The following PTPRD variants were observed in gnomAD, a reference collection of about 807,000 sequenced individuals.
The protein encoded by PTPRD is receptor-type tyrosine-protein phosphatase delta.
PTPRD carries 34 observed loss-of-function variants against 214.5 expected under a neutral mutation model. The observed-to-expected ratio is 0.16, with a 90% CI of 0.12 to 0.21. PTPRD has a LOEUF of 0.21. Among genes scored for constraint, PTPRD ranks in the 10% least tolerant of loss-of-function variants. PTPRD has a pLI of 1.00. For synonymous variants in PTPRD, 1,128 were observed against 845.7 expected, an observed-to-expected ratio of 1.33 and a Z score of -5.79; for missense variants, 2,545 against 2,398.7, an observed-to-expected ratio of 1.06 and a Z score of -1.27.
chr9:9,262,848 C>A (rs1402649586), intron 9 of PTPRD, among the ~76,000 whole-genome samples: 1 of 151,602 alleles, frequency 6.6e-6, no homozygotes, highest in Non-Finnish European at 1.5e-5. Flanking sequence ...TGAAATCTAA[C>A]CATTGATTAA....
intron 7 of PTPRD, among the ~76,000 whole-genome samples, chr9:9,634,033 A>G (rs890604978): frequency 1.3e-5 from 2 of 152,200 alleles, no homozygotes; most frequent in Non-Finnish European, 2.9e-5. Flanking sequence ...GACAGCACAT[A>G]TCAGATCTTA....
intron 9 of PTPRD, among the ~76,000 whole-genome samples, chr9:9,209,476 T>C (rs925300112): frequency 2.6e-5 from 4 of 152,190 alleles, no homozygotes; most frequent in African/African-American, 4.8e-5. Flanking sequence ...AGTATTTTGG[T>C]GCATTAAAGA....
intron 45 of PTPRD, among the ~76,000 whole-genome samples, chr9:8,319,035 T>C (rs1409492063): frequency 6.6e-6 from 1 of 152,106 alleles, no homozygotes; most frequent in Non-Finnish European, 1.5e-5. Flanking sequence ...GTTAAGGCTT[T>C]TTAAATGTCC....
chr9:8,621,932 C>T (rs2095839718), intron 14 of PTPRD, among the ~76,000 whole-genome samples: 1 of 151,856 alleles, frequency 6.6e-6, no homozygotes, highest in African/African-American at 2.4e-5. Flanking sequence ...GGCCTTTCCT[C>T]AAGGGTTAAA....
rs750825729 is a variant in PTPRD at position 8,321,487 on chromosome 9, G to GTATATATATATATATATATATATATA, written c.5535-1547_5535-1522dup. On this transcript the variant is annotated intron_variant, in intron 44 of 45. Coordinates refer to ENST00000381196, the MANE Select transcript of PTPRD (RefSeq NM_002839.4). ...TGTGTGTGTGTGTGTGTGTGTGTGT[G>GTATATATATATATATATATATATATA]TATATATATATATATATATATATAT... Among the ~76,000 whole-genome samples, 7 of 44,538 alleles carry GTATATATATATATATATATATATATA rather than the reference G, an allele frequency of 1.6e-4. 1 individual carries two copies. The highest frequency in any genetic ancestry group is 3.1e-4 in the Admixed American group (1 of 3,200). The allele number at this position is 44,538 out of a possible 152,430, so 29.2% of individuals were successfully genotyped here.
chr9:10,162,667 ATGTATATACATGTATATATG>A (rs1564233277), intron 3 of PTPRD, among the ~76,000 whole-genome samples: 1 of 147,386 alleles, frequency 6.8e-6, no homozygotes, highest in African/African-American at 2.5e-5. Flanking sequence ...ATACATGTAT[ATGTATATACATGTATATATG>A]TGTATATATA....
At position 8,657,036 on chromosome 9, in the gene PTPRD, G is replaced by T. The variant is rs143985804; in HGVS notation, c.65-20192C>A. Among the ~76,000 whole-genome samples, 22 of 152,274 alleles carry T rather than the reference G, an allele frequency of 1.4e-4. 2 individuals are homozygous for T. In the East Asian group the frequency reaches 4.1e-3, roughly 28 times the overall value. On this transcript the variant is annotated intron_variant, in intron 12 of 45. Transcript: ENST00000381196. The stretch of plus-strand genomic sequence containing the variant: ...ATAATTACCAATCTGACTGGCGAGG[G>T]ATGGTAGCTCATTATGGTTTTGATT...
At chr9:10,381,020 G>C (rs1339585795) in intron 2 of PTPRD, among the ~76,000 whole-genome samples, 4 of 151,602 alleles carry the variant, frequency 2.6e-5, no homozygotes, top group Admixed American at 6.6e-5. Flanking sequence ...GCTTAGAATG[G>C]AGAGAGATTA....
chr9:8,634,266 A>G (rs914744458), intron 13 of PTPRD, among the ~76,000 whole-genome samples: 4 of 152,094 alleles, frequency 2.6e-5, no homozygotes, highest in Admixed American at 2.6e-4. Flanking sequence ...GATGATATTA[A>G]CAAATATGTA....
intron 12 of PTPRD, among the ~76,000 whole-genome samples, chr9:8,710,414 G>C (rs1269136758): frequency 6.6e-6 from 1 of 152,088 alleles, no homozygotes; most frequent in Non-Finnish European, 1.5e-5. Context: ...CCATGAGTTT[G>C]AGACCAGCCT....
At chr9:8,650,569 A>G (rs954142720) in intron 12 of PTPRD, among the ~76,000 whole-genome samples, 4 of 151,904 alleles carry the variant, frequency 2.6e-5, no homozygotes, top group African/African-American at 9.7e-5. Context: ...ATGGATAAAC[A>G]ACGGGAAACA....
At chr9:8,895,513 A>G (rs1446706462) in intron 11 of PTPRD, among the ~76,000 whole-genome samples, 2 of 152,302 alleles carry the variant, frequency 1.3e-5, no homozygotes, top group African/African-American at 2.4e-5. Context: ...AGTGTGGAAG[A>G]TTTTTCAGGG....
chr9:8,884,347 T>C (rs2154223002), intron 11 of PTPRD, among the ~76,000 whole-genome samples: 1 of 152,352 alleles, frequency 6.6e-6, no homozygotes, highest in East Asian at 1.9e-4. Flanking sequence ...CTTCTGAGAC[T>C]GCAGGCATTG....
At chr9:10,300,626 C>CA (rs971194448) in intron 3 of PTPRD, among the ~76,000 whole-genome samples, 2 of 152,166 alleles carry the variant, frequency 1.3e-5, no homozygotes, top group Non-Finnish European at 2.9e-5. Context: ...GTTTTACCCT[C>CA]ACAGTGTAAA....
At chr9:9,679,578 C>G (rs973726191) in intron 7 of PTPRD, among the ~76,000 whole-genome samples, 4 of 151,818 alleles carry the variant, frequency 2.6e-5, no homozygotes, top group African/African-American at 9.7e-5. Flanking sequence ...TAAACAGCAT[C>G]ACAGAATGAC....
At chr9:9,940,830 C>T (rs559189122) in intron 4 of PTPRD, among the ~76,000 whole-genome samples, 7 of 152,238 alleles carry the variant, frequency 4.6e-5, no homozygotes, top group Non-Finnish European at 7.4e-5. Context: ...CCTGATTTGC[C>T]TAGAAAACTC....
intron 39 of PTPRD, among the ~76,000 whole-genome samples, chr9:8,354,520 T>C (rs1358653732): frequency 6.6e-6 from 1 of 152,264 alleles, no homozygotes; most frequent in Non-Finnish European, 1.5e-5. Context: ...ATTTTCTTTT[T>C]CTTTCCTGTA....
chr9:8,763,400 G>C (rs1282093540), intron 11 of PTPRD, among the ~76,000 whole-genome samples: 1 of 151,998 alleles, frequency 6.6e-6, no homozygotes, highest in Non-Finnish European at 1.5e-5. Context: ...TGTAATCCTA[G>C]CTACTTGGGA....
chr9:8,376,356 G>A (rs922665995), intron 38 of PTPRD, among the ~76,000 whole-genome samples: 2 of 152,002 alleles, frequency 1.3e-5, no homozygotes, highest in Non-Finnish European at 2.9e-5. Flanking sequence ...CATTTTACAG[G>A]AAGAGCTAGT....
Sources: gnomAD v4.1 joint callset for allele counts (sites outside exome capture counted in the v4.1 genomes callset) on GRCh38, gnomAD v4.1.1 for gene constraint, MANE v1.5 for transcripts, NCBI Gene and HGNC (gene_info 2026-07-23, HGNC 2026-07-21) for gene names.